TSPAN7: variants seen among roughly 807,000 people sequenced by gnomAD.
TSPAN7 encodes the protein tetraspanin-7.
TSPAN7 carries 1 observed loss-of-function variant against 17.6 expected under a neutral mutation model. That is an observed-to-expected ratio of 0.06 (90% confidence interval 0.02 to 0.27). TSPAN7 has a LOEUF of 0.27. Among genes scored for constraint, TSPAN7 ranks in the 10% least tolerant of loss-of-function variants. The probability of loss-of-function intolerance (pLI) is 1.00; values close to 1 mark genes in which losing one functional copy is unlikely to be tolerated. For synonymous variants in TSPAN7, 78 were observed against 79.0 expected, an observed-to-expected ratio of 0.99 and a Z score of 0.07; for missense variants, 112 against 201.7, an observed-to-expected ratio of 0.56 and a Z score of 2.69.
intron 1 of TSPAN7, among the ~76,000 whole-genome samples, chrX:38,636,724 G>A (rs924476098): frequency 3.6e-5 from 4 of 110,015 alleles, no homozygotes; most frequent in Admixed American, 2.9e-4. Context: ...CACCCAGGCT[G>A]GAGTGCAATC....
intron 1 of TSPAN7, among the ~76,000 whole-genome samples, chrX:38,649,475 C>G (rs1473920368): frequency 8.9e-6 from 1 of 112,263 alleles, no homozygotes; most frequent in African/African-American, 3.2e-5. Context: ...TGGCATGTAG[C>G]CTTATGTGGT....
At chrX:38,624,540 A>G (rs1170488073) in intron 1 of TSPAN7, among the ~76,000 whole-genome samples, 1 of 112,628 alleles carries the variant, frequency 8.9e-6, no homozygotes, top group Non-Finnish European at 1.9e-5. Context: ...CTTACAGGTC[A>G]CTGAAGAAAT....
rs201047637 is a variant in TSPAN7, at chrX:38,674,291, G to A, written c.416G>A (p.Arg139Gln). The A allele has an allele frequency of 5.5e-5, 66 of 1,194,557 alleles. No homozygotes were observed. The highest frequency in any genetic ancestry group is 2.3e-4 in the Middle Eastern group (1 of 4,295). ...TACAATGGCAATGATGAGAGGAGCC[G>A]GGCAGTGGACCATGTGCAGCGCAGC... ...QTYNGNDERS[R>Q]AVDHVQRSLS... The change falls in exon 4 of 8, where the codon CGG becomes CAG. Residue 139 changes from arginine to glutamine, a missense_variant. Arg to Gln is a conservative substitution (Grantham distance 43, BLOSUM62 1). Transcript: ENST00000378482.
intron 1 of TSPAN7, among the ~76,000 whole-genome samples, chrX:38,659,643 G>A (rs1411377218): frequency 9.9e-6 from 1 of 100,930 alleles, no homozygotes; most frequent in Non-Finnish European, 2.0e-5. Context: ...CCAGCCAAGA[G>A]CTCTAACATT....
intron 1 of TSPAN7, among the ~76,000 whole-genome samples, chrX:38,577,061 G>C (rs1223558797): frequency 9.0e-6 from 1 of 111,619 alleles, no homozygotes; most frequent in African/African-American, 3.3e-5. Context: ...TGGAGGACAG[G>C]GGACAGCTAC....
intron 1 of TSPAN7, among the ~76,000 whole-genome samples, chrX:38,562,575 G>A (rs1177562183): frequency 9.5e-6 from 1 of 104,741 alleles, no homozygotes; most frequent in Non-Finnish European, 2.0e-5. Flanking sequence ...AGGAGGAGGG[G>A]GAGGAGGAGG....
intron 1 of TSPAN7, among the ~76,000 whole-genome samples, chrX:38,594,156 G>A (rs1238770710): frequency 8.9e-6 from 1 of 111,921 alleles, no homozygotes; most frequent in African/African-American, 3.2e-5. Flanking sequence ...ACTAACTAGA[G>A]TAGTTCTGGG....
chrX:38,603,898 T>G (rs2069361403), intron 1 of TSPAN7, among the ~76,000 whole-genome samples: 1 of 107,897 alleles, frequency 9.3e-6, no homozygotes, highest in Non-Finnish European at 1.9e-5. Context: ...ATACTTTAAG[T>G]TTTAGGGTAC....
intron 1 of TSPAN7, among the ~76,000 whole-genome samples, chrX:38,587,690 C>T (rs952066425): frequency 9.0e-6 from 1 of 111,316 alleles, no homozygotes; most frequent in Non-Finnish European, 1.9e-5. Context: ...TTTACTTGGA[C>T]ATGATTTGAC....
At chrX:38,683,762 A>G (rs2069907420) in intron 6 of TSPAN7, among the ~76,000 whole-genome samples, 1 of 113,082 alleles carries the variant, frequency 8.8e-6, no homozygotes, top group South Asian at 3.6e-4. Flanking sequence ...CCCTGGGACA[A>G]TGGTGGCCAC....
chrX:38,571,796 G>C (rs747169743), intron 1 of TSPAN7, among the ~76,000 whole-genome samples: 5 of 111,018 alleles, frequency 4.5e-5, no homozygotes, highest in African/African-American at 1.3e-4. Flanking sequence ...GCTCTATGGG[G>C]CTGTGATGCC....
At chrX:38,583,141 C>T (rs1245565074) in intron 1 of TSPAN7, among the ~76,000 whole-genome samples, 2 of 112,347 alleles carry the variant, frequency 1.8e-5, no homozygotes, top group African/African-American at 6.5e-5. Flanking sequence ...GTTCAAAATT[C>T]CATGCATGTG....
chrX:38,590,834 A>G (rs1215673950), intron 1 of TSPAN7, among the ~76,000 whole-genome samples: 1 of 111,824 alleles, frequency 8.9e-6, no homozygotes, highest in East Asian at 2.8e-4. Flanking sequence ...TTTTAATAAT[A>G]TTCTTTGATT....
chrX:38,582,425 T>G (rs1016723461), intron 1 of TSPAN7, among the ~76,000 whole-genome samples: 1 of 112,354 alleles, frequency 8.9e-6, no homozygotes, highest in African/African-American at 3.2e-5. Flanking sequence ...ACCATTCTCC[T>G]GTCCCAGATC....
intron 1 of TSPAN7, among the ~76,000 whole-genome samples, chrX:38,658,222 C>T (rs1249195073): frequency 1.8e-5 from 2 of 111,349 alleles, no homozygotes; most frequent in Non-Finnish European, 3.8e-5. Flanking sequence ...GCTCTGTCAC[C>T]CAGGCTGGAG....
intron 1 of TSPAN7, among the ~76,000 whole-genome samples, chrX:38,562,150 C>T (rs950946969): frequency 8.9e-6 from 1 of 111,756 alleles, no homozygotes; most frequent in Admixed American, 9.4e-5. Flanking sequence ...CCGTGCCTGC[C>T]TGGCTGGGCA....
chrX:38,623,841 C>T (rs2069504038), intron 1 of TSPAN7, among the ~76,000 whole-genome samples: 1 of 108,142 alleles, frequency 9.2e-6, no homozygotes, highest in African/African-American at 3.4e-5. Flanking sequence ...TGTACCCTTC[C>T]TTAAACCCCC....
chrX:38,603,548 T>C (rs2069358496), intron 1 of TSPAN7, among the ~76,000 whole-genome samples: 1 of 112,153 alleles, frequency 8.9e-6, no homozygotes, highest in South Asian at 3.7e-4. Flanking sequence ...TAAAATGTGA[T>C]ATATCCATAC....
intron 1 of TSPAN7, among the ~76,000 whole-genome samples, chrX:38,653,955 A>C: frequency 8.9e-6 from 1 of 112,007 alleles, no homozygotes; most frequent in East Asian, 2.8e-4. Flanking sequence ...TATAGATCTT[A>C]TTTATTTTTA....
Sources: gnomAD v4.1 joint callset for allele counts (sites outside exome capture counted in the v4.1 genomes callset) on GRCh38, gnomAD v4.1.1 for gene constraint, MANE v1.5 for transcripts, NCBI Gene and HGNC (gene_info 2026-07-23, HGNC 2026-07-21) for gene names.